Variants in STPG2 observed in about 807,000 individuals in gnomAD.
The protein encoded by STPG2 is sperm tail PG-rich repeat containing 2, also known as sperm-tail PG-rich repeat-containing protein 2.
STPG2 carries 56 observed loss-of-function variants against 54.2 expected under a neutral mutation model. The ratio of observed to expected loss-of-function variants is 1.03; its 90% CI spans 0.83 to 1.29. The LOEUF is 1.29. Ranked by LOEUF, STPG2 falls within the 50% of genes most tolerant of loss-of-function variation. The pLI, the probability that STPG2 is intolerant of heterozygous loss-of-function variation, is 0.00. For synonymous variants in STPG2, 200 were observed against 181.8 expected, an observed-to-expected ratio of 1.10 and a Z score of -0.81; for missense variants, 596 against 544.9, an observed-to-expected ratio of 1.09 and a Z score of -0.93.
At chr4:98,101,420 T>C (rs1192353931) in intron 5 of STPG2, among the ~76,000 whole-genome samples, 1 of 151,966 alleles carries the variant, frequency 6.6e-6, no homozygotes, top group Non-Finnish European at 1.5e-5. Context: ...GAATGGGCCC[T>C]AAGTTTTCTA....
At chr4:97,486,827 G>GTATA (rs773650944) in intron 4 of STPG2, among the ~76,000 whole-genome samples, 2,058 of 130,866 alleles carry the variant, frequency 0.016, 43 homozygotes, top group African/African-American at 0.053. Context: ...GTGTGTGTGT[G>GTATA]TGTATATATA....
At chr4:97,507,671 C>G (rs113825995) in intron 4 of STPG2, among the ~76,000 whole-genome samples, 3,403 of 152,030 alleles carry the variant, frequency 0.022, 81 homozygotes, top group African/African-American at 0.064. Flanking sequence ...TTCACTCAGG[C>G]TTGATAAGGG....
chr4:97,592,424 A>G (rs1733168599), intron 10 of STPG2, among the ~76,000 whole-genome samples: 1 of 152,168 alleles, frequency 6.6e-6, no homozygotes, highest in Non-Finnish European at 1.5e-5. Context: ...AGCTCAAGTA[A>G]TTAATTCACA....
chr4:97,895,119 T>C (rs1730909523), intron 8 of STPG2, among the ~76,000 whole-genome samples: 1 of 151,734 alleles, frequency 6.6e-6, no homozygotes, highest in South Asian at 2.1e-4. Flanking sequence ...AATCTAGATA[T>C]AGGGCCAAGC....
chr4:97,515,084 A>G (rs889491180), intron 4 of STPG2, among the ~76,000 whole-genome samples: 1 of 152,114 alleles, frequency 6.6e-6, no homozygotes, highest in Non-Finnish European at 1.5e-5. Context: ...GTGACTAATA[A>G]GTTCTATAAA....
intron 9 of STPG2, 33 bp downstream of exon 9, chr4:97,840,740 T>G: frequency 6.4e-7 from 1 of 1,567,852 alleles, no homozygotes; most frequent in Non-Finnish European, 8.6e-7. Flanking sequence ...AGAATTTTTT[T>G]CCTCATAGCT....
chr4:98,074,435 T>C (rs894495576), intron 5 of STPG2, among the ~76,000 whole-genome samples: 13 of 151,880 alleles, frequency 8.6e-5, no homozygotes, highest in African/African-American at 3.1e-4. Context: ...TGCTTAAAGT[T>C]TGTAGAACTT....
At chr4:97,488,694 A>T (rs901505807) in intron 4 of STPG2, among the ~76,000 whole-genome samples, 1 of 151,718 alleles carries the variant, frequency 6.6e-6, no homozygotes, top group South Asian at 2.1e-4. Flanking sequence ...CCAGTTGAAC[A>T]GAAAGAGACA....
chr4:97,542,056 C>T (rs974103027), intron 4 of STPG2, among the ~76,000 whole-genome samples: 36 of 152,260 alleles, frequency 2.4e-4, no homozygotes, highest in African/African-American at 7.9e-4. Flanking sequence ...AGGACATAGG[C>T]ATAGGCAAGG....
intron 9 of STPG2, among the ~76,000 whole-genome samples, chr4:97,718,188 T>C (rs1724348657): frequency 6.6e-6 from 1 of 152,042 alleles, no homozygotes; most frequent in Non-Finnish European, 1.5e-5. Context: ...ACATGTCACA[T>C]CACAGATGAA....
intron 10 of STPG2, among the ~76,000 whole-genome samples, chr4:97,665,288 A>C (rs919416822): frequency 6.6e-6 from 1 of 152,166 alleles, no homozygotes; most frequent in Non-Finnish European, 1.5e-5. Context: ...CTTGTCTCAC[A>C]CCCAGGAAGA....
chr4:97,864,173 T>C lies in STPG2; in HGVS notation c.1045-23241A>G, dbSNP rs1470567593. ...AAGTCAAATTGTCCCTGTTTGCAGA[T>C]GACATTATTGTATATCTAGAAAACC... On this transcript the variant is annotated intron_variant, in intron 8 of 10. Coordinates refer to ENST00000295268, the MANE Select transcript of STPG2 (RefSeq NM_174952.3). Among the ~76,000 whole-genome samples the C allele has an allele frequency of 3.9e-5, 6 of 152,176 alleles. No individual in the cohort carries two copies. The East Asian group carries it at 9.6e-4, about 24-fold the overall frequency.
intron 4 of STPG2, among the ~76,000 whole-genome samples, chr4:97,450,877 C>A (rs1319234509): frequency 1.3e-5 from 2 of 152,082 alleles, no homozygotes; most frequent in African/African-American, 4.8e-5. Context: ...ATCCTACATG[C>A]ACTTATTTAA....
intron 8 of STPG2, among the ~76,000 whole-genome samples, chr4:97,888,242 C>G (rs1379744761): frequency 6.6e-6 from 1 of 152,176 alleles, no homozygotes; most frequent in Admixed American, 6.5e-5. Context: ...GGGCCACCAT[C>G]CTCCAGACCC....
chr4:97,932,975 T>C (rs1578705045), intron 8 of STPG2, among the ~76,000 whole-genome samples: 3 of 152,310 alleles, frequency 2.0e-5, no homozygotes, highest in Admixed American at 1.3e-4. Context: ...CTAATTTATA[T>C]TCCCACCAAC....
chr4:97,497,333 C>A (rs1730632652), intron 4 of STPG2, among the ~76,000 whole-genome samples: 1 of 151,706 alleles, frequency 6.6e-6, no homozygotes, highest in African/African-American at 2.4e-5. Context: ...TTAAAAATGT[C>A]AATTATTTAA....
At chr4:97,603,696 C>A (rs961717496) in intron 10 of STPG2, among the ~76,000 whole-genome samples, 9 of 151,328 alleles carry the variant, frequency 5.9e-5, no homozygotes, top group Non-Finnish European at 1.3e-4. Context: ...CATGGATGAA[C>A]CTTGAGGGTC....
chr4:97,840,786 C>A lies in STPG2; in HGVS notation c.1191G>T (p.Val397=). The change falls in exon 9 of 11, where the codon GTG becomes GTT. Residue 397 remains valine (V), a synonymous_variant. Coordinates refer to ENST00000295268, the MANE Select transcript of STPG2 (RefSeq NM_174952.3). The stretch of plus-strand genomic sequence containing the variant: ...TTCTAGACTTACCTGGCCCATCAGT[C>A]ACTTTTTCTAGGCACCGAGGAGTTG... ...LSATPRCLEK[V]TDGPGPAAYN... is the part of the protein sequence containing the mutation. The A allele has an allele frequency of 6.2e-7, 1 of 1,611,116 alleles. No homozygotes were observed. The highest frequency in any genetic ancestry group is 8.5e-7 in the Non-Finnish European group (1 of 1,178,096).
intron 10 of STPG2, among the ~76,000 whole-genome samples, chr4:97,709,837 A>G (rs1195122046): frequency 6.6e-6 from 1 of 151,952 alleles, no homozygotes; most frequent in Non-Finnish European, 1.5e-5. Context: ...ATGAATATAC[A>G]CATATTCTTT....
Sources: allele counts gnomAD v4.1 joint callset (sites outside exome capture counted in the v4.1 genomes callset), GRCh38; gene constraint gnomAD v4.1.1; transcripts MANE v1.5; gene names NCBI Gene and HGNC (gene_info 2026-07-23, HGNC 2026-07-21).